TOMM22: variants seen among roughly 807,000 people sequenced by gnomAD.
TOMM22 encodes translocase of outer mitochondrial membrane 22.
In TOMM22, 3 loss-of-function variants were observed where a neutral mutation model predicts 17.1. The observed-to-expected ratio is 0.18, with a 90% CI of 0.08 to 0.45. The LOEUF is 0.45. Among genes scored for constraint, TOMM22 ranks in the 20% least tolerant of loss-of-function variants. TOMM22 has a pLI of 0.99. For missense variants in TOMM22, 159 were observed against 179.5 expected (o/e 0.89, Z 0.65); for synonymous variants, 91 against 74.0 (o/e 1.23, Z -1.18).
chr22:38,681,962 C>T lies in TOMM22; in HGVS notation c.-17C>T, dbSNP rs142883321. 205 of 1,600,220 alleles carry T rather than the reference C, an allele frequency of 1.3e-4. 1 individual carries two copies. In the East Asian group the frequency reaches 4.3e-3, roughly 33 times the overall value. ...GCTGCGCTCACCTCCTTTCCGCTTC[C>T]GGTGTCCCCTACAGTCATGGCTGCC... is the stretch of plus-strand genomic sequence containing the variant. On this transcript the variant is annotated 5_prime_UTR_variant, in exon 1 of 4. Transcript: ENST00000216034.
chr22:38,682,275 G>A, intron 1 of TOMM22, 48 bp from the exon 2 acceptor site: 1 of 1,593,284 alleles, frequency 6.3e-7, no homozygotes, highest in Non-Finnish European at 8.6e-7. Context: ...GCGGGGCCAG[G>A]AATGGATGTC....
Position 38,682,870 on chromosome 22 carries a change from C to T in TOMM22, c.237-9C>T, listed in dbSNP as rs755038525. 7.6e-5 allele frequency: 122 copies of T among 1,611,974 alleles called. No homozygotes were observed. The highest frequency in any genetic ancestry group is 9.8e-5 in the Non-Finnish European group (115 of 1,179,402). Reference sequence around the variant, plus strand: ...TTCATGCTCACCCTCTGGGGATTTTCCTCTGCAGGTTTTCCAGGGCAGCCT... The same window carrying T: ...TTCATGCTCACCCTCTGGGGATTTTTCTCTGCAGGTTTTCCAGGGCAGCCT... On this transcript the variant is annotated splice_polypyrimidine_tract_variant and intron_variant, in intron 2 of 3. Transcript: ENST00000216034.
In TOMM22 at chr22:38,685,073, A is replaced by C. The variant is rs1248826358; in HGVS notation, c.*1232A>C. The C allele has an allele frequency of 1.3e-5, 2 of 152,048 alleles. No individual in the cohort carries two copies. The highest frequency in any genetic ancestry group is 1.3e-4 in the Admixed American group (2 of 15,258). The allele number at this position is 152,048 out of a possible 1,614,324, so 9.4% of individuals were successfully genotyped here. A position where few individuals can be genotyped will look rare whatever the true frequency, so the allele number is the denominator to read the frequency against. ...GCTGGGATTATAGGCGTCACCCACC[A>C]CGCCCAGCCAGAGTAAGCCTTTTGT... is the stretch of plus-strand genomic sequence containing the variant. On this transcript the variant is annotated 3_prime_UTR_variant, in exon 4 of 4. Coordinates refer to ENST00000216034, the MANE Select transcript of TOMM22 (RefSeq NM_020243.5).
chr22:38,683,959 T>C lies in TOMM22; in HGVS notation c.*118T>C, dbSNP rs5750668. 0.29 allele frequency: 230,328 copies of C among 802,122 alleles called. 34,550 individuals are homozygous for C. The highest frequency in any genetic ancestry group is 0.35 in the East Asian group (13,302 of 37,696). The allele number at this position is 802,122 out of a possible 1,614,324, so 49.7% of individuals were successfully genotyped here. On this transcript the variant is annotated 3_prime_UTR_variant, in exon 4 of 4. Coordinates refer to ENST00000216034, the MANE Select transcript of TOMM22 (RefSeq NM_020243.5). ...TTTGGCACATTGATCTATCTAAACCTGGTGGGGAGAATTATCCCCACATTG... is the reference window on the plus strand; with the variant it reads ...TTTGGCACATTGATCTATCTAAACCCGGTGGGGAGAATTATCCCCACATTG...
Position 38,683,889 on chromosome 22 carries a change from A to G in TOMM22, c.*48A>G. The G allele has an allele frequency of 1.3e-6, 2 of 1,542,984 alleles. No individual in the cohort carries two copies. The highest frequency in any genetic ancestry group is 1.8e-6 in the Non-Finnish European group (2 of 1,127,638). Reference sequence around the variant, plus strand: ...TCTCAGTGGGATAAGTTTGAAATTCAAGTGTTTGAACTGCTGATAATTTGG... The same window carrying G: ...TCTCAGTGGGATAAGTTTGAAATTCGAGTGTTTGAACTGCTGATAATTTGG... On this transcript the variant is annotated 3_prime_UTR_variant, in exon 4 of 4. Transcript: ENST00000216034.
intron 3 of TOMM22, 77 bp from the exon 4 acceptor site, chr22:38,683,690 G>C (rs1281544995): frequency 9.2e-7 from 1 of 1,083,448 alleles, no homozygotes; most frequent in Non-Finnish European, 1.4e-6. Flanking sequence ...TTTTGTAGAC[G>C]TTGGCCCCAT....
At chr22:38,683,141 T>TGGGGGGGGGGGGG in intron 3 of TOMM22, 145 bp downstream of exon 3, 1 of 21,858 alleles carries the variant, frequency 4.6e-5, no homozygotes. Context: ...TGGCCGGGGG[T>TGGGGGGGGGGGGG]CGGGGGGGGG....
rs2092483697 is a variant in TOMM22, at chr22:38,682,945, T to C, written c.303T>C (p.Phe101=). The change falls in exon 3 of 4, where the codon TTT becomes TTC. Residue 101 remains phenylalanine, a synonymous_variant. Coordinates refer to ENST00000216034, the MANE Select transcript of TOMM22 (RefSeq NM_020243.5). ...TGATCCTGGTTCTTCCCGTTGTCTT[T>C]GAGACGGAGAAGTTGCAAATGGAGC... ...SFMILVLPVV[F]ETEKLQMEQQ... is the part of the protein sequence containing the mutation. The C allele has an allele frequency of 1.2e-6, 2 of 1,613,768 alleles. No individual in the cohort carries two copies. Among genetic ancestry groups the C allele is most frequent in the Non-Finnish European group, 1.7e-6 (2 of 1,179,884 alleles).
At chr22:38,682,812 C>T in intron 2 of TOMM22, 67 bp from the exon 3 acceptor site, 6 of 1,343,718 alleles carry the variant, frequency 4.5e-6, no homozygotes, top group Non-Finnish European at 6.4e-6. Flanking sequence ...GGTTTGGTTA[C>T]TGGGTAGTTC....
Position 38,683,984 on chromosome 22 carries a change from G to A in TOMM22, c.*143G>A. The A allele has an allele frequency of 1.5e-6, 1 of 679,144 alleles. No individual in the cohort carries two copies. Among genetic ancestry groups the A allele is most frequent in the Non-Finnish European group, 2.5e-6 (1 of 400,368 alleles). 42.1% of individuals were successfully genotyped at this position (679,144 alleles called of 1,614,324 possible). On this transcript the variant is annotated 3_prime_UTR_variant, in exon 4 of 4. Transcript: ENST00000216034. ...TGGTGGGGAGAATTATCCCCACATTGTCTCATGGAAAGACTCAACTTGCAA... is the reference window on the plus strand; with the variant it reads ...TGGTGGGGAGAATTATCCCCACATTATCTCATGGAAAGACTCAACTTGCAA...
chr22:38,683,866 T>C lies in TOMM22; in HGVS notation c.*25T>C. On this transcript the variant is annotated 3_prime_UTR_variant, in exon 4 of 4. Coordinates refer to ENST00000216034, the MANE Select transcript of TOMM22 (RefSeq NM_020243.5). ...GATTGTTATTGCTGTTTGAGCTGTC[T>C]CAGTGGGATAAGTTTGAAATTCAAG... The C allele has an allele frequency of 4.4e-6, 7 of 1,603,622 alleles. No homozygotes were observed. The highest frequency in any genetic ancestry group is 6.0e-6 in the Non-Finnish European group (7 of 1,172,470).
In TOMM22 at chr22:38,684,183, CCT is replaced by C. The variant is rs2092488604; in HGVS notation, c.*343_*344del. 3.5e-6 allele frequency: 1 copy of C among 288,448 alleles called. No homozygotes were observed. Among genetic ancestry groups the C allele is most frequent in the Non-Finnish European group, 6.5e-6 (1 of 152,722 alleles). 17.9% of individuals were successfully genotyped at this position (288,448 alleles called of 1,614,324 possible). A position where few individuals can be genotyped will look rare whatever the true frequency, so the allele number is the denominator to read the frequency against. On this transcript the variant is annotated 3_prime_UTR_variant, in exon 4 of 4. Transcript: ENST00000216034. ...CCGATGCCAGTGGGAGGGATGTGCC[CCT>C]GACCATTAACGACTGTTTTTTTTTT...
chr22:38,683,141 T>TGGGGGGGGGG, intron 3 of TOMM22, 145 bp downstream of exon 3: 3 of 21,856 alleles, frequency 1.4e-4, no homozygotes, highest in South Asian at 4.3e-4. Flanking sequence ...TGGCCGGGGG[T>TGGGGGGGGGG]CGGGGGGGGG....
chr22:38,682,101 A>G lies in TOMM22; in HGVS notation c.117+6A>G, dbSNP rs1423770278. The G allele has an allele frequency of 6.4e-7, 1 of 1,571,102 alleles. No homozygotes were observed. Among genetic ancestry groups the G allele is most frequent in the Non-Finnish European group, 8.6e-7 (1 of 1,157,882 alleles). On this transcript the variant is annotated splice_donor_region_variant and intron_variant, in intron 1 of 3. Coordinates refer to ENST00000216034, the MANE Select transcript of TOMM22 (RefSeq NM_020243.5). ...AGGAGGACGACGATGAGGAGGTACT[A>G]GGGCCTCGCGGGGTGCAGAGCGGGA...
rs777469609 is a variant in TOMM22, at chr22:38,683,867, C to T, written c.*26C>T. The T allele has an allele frequency of 5.0e-6, 8 of 1,601,266 alleles. No individual in the cohort carries two copies. The South Asian group carries it at 7.7e-5, about 15-fold the overall frequency. On this transcript the variant is annotated 3_prime_UTR_variant, in exon 4 of 4. Coordinates refer to ENST00000216034, the MANE Select transcript of TOMM22 (RefSeq NM_020243.5). ...ATTGTTATTGCTGTTTGAGCTGTCT[C>T]AGTGGGATAAGTTTGAAATTCAAGT...
Position 38,682,859 on chromosome 22 carries a change from C to T in TOMM22, c.237-20C>T, listed in dbSNP as rs780148103. The T allele has an allele frequency of 6.2e-7, 1 of 1,608,718 alleles. No homozygotes were observed. The highest frequency in any genetic ancestry group is 8.5e-7 in the Non-Finnish European group (1 of 1,176,468). On this transcript the variant is annotated intron_variant, in intron 2 of 3. Transcript: ENST00000216034. The stretch of plus-strand genomic sequence containing the variant: ...GTTTGCATGTCTTCATGCTCACCCT[C>T]TGGGGATTTTCCTCTGCAGGTTTTC...
rs1210071654 is a variant in TOMM22 at position 38,684,115 on chromosome 22, G to A, written c.*274G>A. ...GTCACCCGACTCCTTTCACCAAATT[G>A]CTCCTAACTGGAAGATCTCACTTTC... On this transcript the variant is annotated 3_prime_UTR_variant, in exon 4 of 4. Coordinates refer to ENST00000216034, the MANE Select transcript of TOMM22 (RefSeq NM_020243.5). The A allele has an allele frequency of 5.0e-6, 2 of 400,902 alleles. No individual in the cohort carries two copies. Among genetic ancestry groups the A allele is most frequent in the Non-Finnish European group, 4.5e-6 (1 of 219,934 alleles). 24.8% of individuals were successfully genotyped at this position (400,902 alleles called of 1,614,324 possible).
At chr22:38,682,722 C>T (rs747857579) in intron 2 of TOMM22, among the ~76,000 whole-genome samples, 157 bp from the exon 3 acceptor site, 2 of 151,880 alleles carry the variant, frequency 1.3e-5, no homozygotes, top group Admixed American at 6.6e-5. Context: ...CATAGCTGCT[C>T]CTCCTGTCTC....
At chr22:38,682,169 C>T (rs2092480449) in intron 1 of TOMM22, 74 bp downstream of exon 1, 13 of 1,510,222 alleles carry the variant, frequency 8.6e-6, no homozygotes, top group African/African-American at 1.4e-5. Context: ...GGTACGGGAT[C>T]GGAGCGAAGC....
Sources: allele counts gnomAD v4.1 joint callset (sites outside exome capture counted in the v4.1 genomes callset), GRCh38; gene constraint gnomAD v4.1.1; transcripts MANE v1.5; gene names NCBI Gene and HGNC (gene_info 2026-07-23, HGNC 2026-07-21).